Variants in UBE2E2 observed in about 807,000 individuals in gnomAD.
The protein encoded by UBE2E2 is ubiquitin conjugating enzyme E2 E2.
In UBE2E2, 6 loss-of-function variants were observed where a neutral mutation model predicts 24.7. That is an observed-to-expected ratio of 0.24 (90% CI 0.13 to 0.48). The LOEUF (loss-of-function observed/expected upper bound fraction) is 0.48, where lower values mean the gene tolerates loss of function less well. Ranked by LOEUF, UBE2E2 falls within the 20% of genes least tolerant of loss-of-function variation. The probability of loss-of-function intolerance (pLI) is 0.99; values close to 1 mark genes in which losing one functional copy is unlikely to be tolerated. For missense variants in UBE2E2, 169 were observed against 245.0 expected (o/e 0.69, Z 2.07); for synonymous variants, 104 against 83.6 (o/e 1.24, Z -1.33).
chr3:23,323,810 T>G (rs1000437744), intron 3 of UBE2E2, among the ~76,000 whole-genome samples: 62 of 152,114 alleles, frequency 4.1e-4, no homozygotes, highest in African/African-American at 1.4e-3. Flanking sequence ...TGCAGAAATC[T>G]CTTATTCCCC....
At chr3:23,258,135 T>C (rs1697786834) in intron 3 of UBE2E2, among the ~76,000 whole-genome samples, 1 of 152,178 alleles carries the variant, frequency 6.6e-6, no homozygotes, top group Non-Finnish European at 1.5e-5. Flanking sequence ...GAATGGCAAC[T>C]AAATATGCAA....
Position 23,473,678 on chromosome 3 carries a change from T to TA in UBE2E2, c.228-25929dup, listed in dbSNP as rs367877996. On this transcript the variant is annotated intron_variant, in intron 3 of 5. Transcript: ENST00000396703. ...TATCTCTCACTTAAGAGTGAGAACA[T>TA]ACGATGTTTGGTTTTCCATTCCTGA... is the stretch of plus-strand genomic sequence containing the variant. Among the ~76,000 whole-genome samples, 115 of 152,244 alleles carry TA rather than the reference T, an allele frequency of 7.6e-4. 7 individuals carry two copies. The highest frequency in any genetic ancestry group is 2.6e-3 in the African/African-American group (109 of 41,494).
chr3:23,538,719 T>C (rs1695321324), intron 5 of UBE2E2, among the ~76,000 whole-genome samples: 1 of 152,098 alleles, frequency 6.6e-6, no homozygotes, highest in Non-Finnish European at 1.5e-5. Flanking sequence ...CCCTGTTTTG[T>C]GAATTAAAGA....
intron 3 of UBE2E2, among the ~76,000 whole-genome samples, chr3:23,290,835 G>A (rs947941306): frequency 4.1e-5 from 6 of 146,240 alleles, no homozygotes; most frequent in East Asian, 2.0e-4. Context: ...TGGGAGGATC[G>A]CTTCAGTCCA....
intron 3 of UBE2E2, among the ~76,000 whole-genome samples, chr3:23,238,671 A>G (rs746719960): frequency 1.2e-4 from 18 of 152,248 alleles, no homozygotes; most frequent in Non-Finnish European, 2.2e-4. Context: ...TTGCATATTC[A>G]TAATGAGCGA....
chr3:23,344,003 G>T (rs1322762475), intron 3 of UBE2E2, among the ~76,000 whole-genome samples: 2 of 152,092 alleles, frequency 1.3e-5, no homozygotes, highest in Non-Finnish European at 2.9e-5. Flanking sequence ...CATTCAAAAT[G>T]GATTTTAAAA....
At chr3:23,305,404 C>G (rs922098035) in intron 3 of UBE2E2, among the ~76,000 whole-genome samples, 6 of 152,160 alleles carry the variant, frequency 3.9e-5, no homozygotes, top group African/African-American at 1.4e-4. Context: ...TTATCAAGAA[C>G]AAGTGAAGCT....
chr3:23,448,457 A>G (rs1035813571), intron 3 of UBE2E2, among the ~76,000 whole-genome samples: 2 of 152,208 alleles, frequency 1.3e-5, no homozygotes, highest in Non-Finnish European at 2.9e-5. Context: ...GAATACTATT[A>G]GGAATAGTCT....
intron 3 of UBE2E2, among the ~76,000 whole-genome samples, chr3:23,231,526 T>C (rs1251553712): frequency 6.6e-6 from 1 of 152,186 alleles, no homozygotes; most frequent in Admixed American, 6.5e-5. Context: ...GGGGTTTCTC[T>C]TCATACACCA....
chr3:23,554,333 G>A (rs1695722119), intron 5 of UBE2E2, among the ~76,000 whole-genome samples: 1 of 152,158 alleles, frequency 6.6e-6, no homozygotes, highest in Non-Finnish European at 1.5e-5. Flanking sequence ...TGATTCCGGG[G>A]AAACTGGATT....
At chr3:23,310,287 G>A (rs1451455928) in intron 3 of UBE2E2, among the ~76,000 whole-genome samples, 2 of 129,822 alleles carry the variant, frequency 1.5e-5, no homozygotes, top group African/African-American at 3.0e-5. Context: ...AGCATTATGT[G>A]CAAAAGGCAT....
At chr3:23,269,088 A>G (rs1698154906) in intron 3 of UBE2E2, among the ~76,000 whole-genome samples, 1 of 152,016 alleles carries the variant, frequency 6.6e-6, no homozygotes, top group Admixed American at 6.5e-5. Flanking sequence ...TAGACCTAAA[A>G]CCATAAAAAC....
At position 23,492,766 on chromosome 3, in the gene UBE2E2, T is replaced by A. The variant is rs563876803; in HGVS notation, c.228-6842T>A. 9.2e-5 allele frequency among the ~76,000 whole-genome samples: 14 copies of A among 152,308 alleles called. No homozygotes were observed. The East Asian group carries it at 2.7e-3, about 29-fold the overall frequency. On this transcript the variant is annotated intron_variant, in intron 3 of 5. Transcript: ENST00000396703. Reference sequence around the variant, plus strand: ...AAGGTTCTAAGCACTTTTTTTGTAATAATACCATTAAACCTCCCAATAACC... The same window carrying A: ...AAGGTTCTAAGCACTTTTTTTGTAAAAATACCATTAAACCTCCCAATAACC...
At chr3:23,392,418 A>T (rs932311962) in intron 3 of UBE2E2, among the ~76,000 whole-genome samples, 4 of 152,104 alleles carry the variant, frequency 2.6e-5, no homozygotes, top group Non-Finnish European at 4.4e-5. Context: ...TTGGGTTTGC[A>T]TTCTGGCTCT....
rs1478516801 is a variant in UBE2E2 at position 23,413,878 on chromosome 3, T to TA, written c.228-85729dup. ...ATGAGGAATCATTCCACTACGTAAC[T>TA]AGCAACTAAGCATTCAAGAGATCAG... On this transcript the variant is annotated intron_variant, in intron 3 of 5. Coordinates refer to ENST00000396703, the MANE Select transcript of UBE2E2 (RefSeq NM_152653.4). Among the ~76,000 whole-genome samples the TA allele has an allele frequency of 2.6e-5, 4 of 152,326 alleles. No homozygotes were observed. The East Asian group carries it at 7.7e-4, about 29-fold the overall frequency.
intron 3 of UBE2E2, among the ~76,000 whole-genome samples, chr3:23,283,358 A>G (rs1408952462): frequency 6.6e-6 from 1 of 152,130 alleles, no homozygotes; most frequent in African/African-American, 2.4e-5. Context: ...ATTACTCTAA[A>G]ACTCATGCTA....
chr3:23,271,010 G>C (rs1313120319), intron 3 of UBE2E2: 5 of 456,738 alleles, frequency 1.1e-5, no homozygotes, highest in South Asian at 7.7e-5. Flanking sequence ...GGAAGGAGCA[G>C]ACTTCATCTT....
At chr3:23,354,466 T>A (rs1420021113) in intron 3 of UBE2E2, among the ~76,000 whole-genome samples, 3 of 151,878 alleles carry the variant, frequency 2.0e-5, no homozygotes. Context: ...TGGGTGAAAA[T>A]TTTCGCAACC....
chr3:23,334,668 G>A (rs142178733), intron 3 of UBE2E2, among the ~76,000 whole-genome samples: 3 of 152,282 alleles, frequency 2.0e-5, no homozygotes, highest in Non-Finnish European at 4.4e-5. Flanking sequence ...TCAGTAAGCT[G>A]TACTAGCATA....
Sources: allele counts gnomAD v4.1 joint callset (sites outside exome capture counted in the v4.1 genomes callset), GRCh38; gene constraint gnomAD v4.1.1; transcripts MANE v1.5; gene names NCBI Gene and HGNC (gene_info 2026-07-23, HGNC 2026-07-21).